DNAJC27: variants seen among roughly 807,000 people sequenced by gnomAD.
DNAJC27 encodes DnaJ heat shock protein family (Hsp40) member C27.
A neutral mutation model predicts 31.4 loss-of-function variants in DNAJC27; 25 were observed. The observed-to-expected ratio is 0.80, with a 90% CI of 0.58 to 1.11. The LOEUF is 1.11. Among genes scored for constraint, DNAJC27 ranks in the 50% most tolerant of loss-of-function variants. The probability of loss-of-function intolerance (pLI) is 0.00; values close to 1 mark genes in which losing one functional copy is unlikely to be tolerated. For synonymous variants in DNAJC27, 106 were observed against 112.7 expected (o/e 0.94, Z 0.37); for missense variants, 356 against 347.3 (o/e 1.02, Z -0.20).
chr2:24,963,283 A>C (rs1666093569), intron 3 of DNAJC27, 122 bp downstream of exon 3: 3 of 660,066 alleles, frequency 4.5e-6, no homozygotes, highest in Admixed American at 2.9e-5. Flanking sequence ...GCAAGCCACG[A>C]TCAAGCTAAA....
chr2:24,947,820 A>G, intron 6 of DNAJC27, 72 bp from the exon 7 acceptor site: 2 of 1,528,170 alleles, frequency 1.3e-6, no homozygotes, highest in Non-Finnish European at 1.8e-6. Context: ...CTGTTTGGAC[A>G]CACATAGTAT....
At chr2:24,949,539 AC>A (rs1343628677) in intron 6 of DNAJC27, among the ~76,000 whole-genome samples, 1 of 152,236 alleles carries the variant, frequency 6.6e-6, no homozygotes, top group African/African-American at 2.4e-5. Context: ...GTCAACAAAT[AC>A]CAAAACTCTC....
At chr2:24,951,604 G>A in intron 5 of DNAJC27, 50 bp from the exon 6 acceptor site, 1 of 1,536,106 alleles carries the variant, frequency 6.5e-7, no homozygotes, top group South Asian at 1.2e-5. Context: ...GTGAAAATAG[G>A]AATTCCTTTT....
rs535943143 is a variant in DNAJC27 at position 24,943,988 on chromosome 2, A to G, written c.*3628T>C. The G allele has an allele frequency of 6.6e-6, 1 of 152,280 alleles. No homozygotes were observed. Among genetic ancestry groups the G allele is most frequent in the African/African-American group, 2.4e-5 (1 of 41,464 alleles). The allele number at this position is 152,280 out of a possible 1,614,324, so 9.4% of individuals were successfully genotyped here. On this transcript the variant is annotated 3_prime_UTR_variant, in exon 7 of 7. Coordinates refer to ENST00000264711, the MANE Select transcript of DNAJC27 (RefSeq NM_016544.3). ...AGTGTAAGCTTTTGTCTTCTCTAGA[A>G]AAGTTTAATGGAAAAAAACGATGTA... is the stretch of plus-strand genomic sequence containing the variant.
upstream of DNAJC27, chr2:24,972,042 G>T (rs1477779833): frequency 1.6e-6 from 1 of 635,502 alleles, no homozygotes; most frequent in East Asian, 3.4e-5. Flanking sequence ...CCCCGCCGCT[G>T]CCTGGCAGCA....
Position 24,962,867 on chromosome 2 carries a change from ACCT to A in DNAJC27, c.240+535_240+537del, listed in dbSNP as rs553719107. Among the ~76,000 whole-genome samples the A allele has an allele frequency of 2.6e-5, 4 of 152,220 alleles. No individual in the cohort carries two copies. The South Asian group carries it at 8.3e-4, about 32-fold the overall frequency. On this transcript the variant is annotated intron_variant, in intron 3 of 6. Transcript: ENST00000264711. Reference sequence around the variant, plus strand: ...CGGCCAAACCAGAAAAGAGCAAAAAACCTCCTTAAGAAAAATGAAAAAGCCCAA... The same window carrying A: ...CGGCCAAACCAGAAAAGAGCAAAAAACCTTAAGAAAAATGAAAAAGCCCAA...
chr2:24,950,389 C>A lies in DNAJC27; in HGVS notation c.689+1005G>T, dbSNP rs573019695. ...GTGAAGTATGTGGGGGGAGTCTGGG[C>A]GCATATTGTACTACACTACAATATG... On this transcript the variant is annotated intron_variant, in intron 6 of 6. Transcript: ENST00000264711. Among the ~76,000 whole-genome samples the A allele has an allele frequency of 2.0e-5, 3 of 152,118 alleles. No homozygotes were observed. In the East Asian group the frequency reaches 5.8e-4, roughly 29 times the overall value.
At chr2:24,961,244 G>A (rs954589318) in intron 3 of DNAJC27, among the ~76,000 whole-genome samples, 2 of 152,146 alleles carry the variant, frequency 1.3e-5, no homozygotes, top group Non-Finnish European at 2.9e-5. Context: ...ATCTGTTTAA[G>A]CATAGTTTAC....
chr2:24,955,395 T>C (rs1401514028), intron 5 of DNAJC27, among the ~76,000 whole-genome samples: 1 of 151,982 alleles, frequency 6.6e-6, no homozygotes, highest in East Asian at 1.9e-4. Flanking sequence ...AAAATAAATA[T>C]AGCCTCAGGG....
chr2:24,961,693 G>A (rs1666045581), intron 3 of DNAJC27, among the ~76,000 whole-genome samples: 1 of 152,146 alleles, frequency 6.6e-6, no homozygotes, highest in Non-Finnish European at 1.5e-5. Context: ...AACTGCAGAT[G>A]TGGTGGAAAT....
At chr2:24,962,213 T>C (rs1165438882) in intron 3 of DNAJC27, among the ~76,000 whole-genome samples, 2 of 53,972 alleles carry the variant, frequency 3.7e-5, no homozygotes, top group African/African-American at 7.5e-5. Context: ...ACATACTTTT[T>C]TTCTTTTGTT....
chr2:24,971,847 T>C lies in DNAJC27; in HGVS notation c.58A>G (p.Ile20Val). Residue 20 changes from isoleucine (I) to valine (V), a missense_variant, in exon 1 of 7, where the codon ATC becomes GTC. Physicochemically the swap from Ile to Val is conservative, Grantham distance 29. Transcript: ENST00000264711. ...EPGRSLRIKVISMGNAEVGKS... is the reference protein window; with the variant it reads ...EPGRSLRIKVVSMGNAEVGKS... ...CCCACTTCGGCGTTGCCCATGGAGA[T>C]GACTTTGATGCGGAGAGACCTGCCG... 1.9e-6 allele frequency: 3 copies of C among 1,609,456 alleles called. No individual in the cohort carries two copies. The highest frequency in any genetic ancestry group is 2.5e-6 in the Non-Finnish European group (3 of 1,178,308).
chr2:24,966,212 AG>A (rs1666176719), intron 2 of DNAJC27, among the ~76,000 whole-genome samples: 1 of 152,184 alleles, frequency 6.6e-6, no homozygotes, highest in South Asian at 2.1e-4. Context: ...TGAGGTAGAA[AG>A]TCTGAGGGTA....
At chr2:24,969,699 G>A (rs1214128149) in intron 1 of DNAJC27, among the ~76,000 whole-genome samples, 2 of 152,070 alleles carry the variant, frequency 1.3e-5, no homozygotes, top group African/African-American at 4.8e-5. Context: ...GGCTGGTCTC[G>A]AACTCCTGAG....
rs185281472 is a variant in DNAJC27 at position 24,971,502 on chromosome 2, C to T, written c.87+316G>A. 253 of 219,612 alleles carry T rather than the reference C, an allele frequency of 1.2e-3. 1 individual carries two copies. The highest frequency in any genetic ancestry group is 1.4e-3 in the South Asian group (10 of 7,066). 13.6% of individuals were successfully genotyped at this position (219,612 alleles called of 1,614,324 possible). A position where few individuals can be genotyped will look rare whatever the true frequency, so the allele number is the denominator to read the frequency against. On this transcript the variant is annotated intron_variant, in intron 1 of 6. Coordinates refer to ENST00000264711, the MANE Select transcript of DNAJC27 (RefSeq NM_016544.3). ...CCCGGTCCCGGACGGCCCCCTAGAACGCGGGCAAGGTATCTAGGCCGACGG... is the reference window on the plus strand; with the variant it reads ...CCCGGTCCCGGACGGCCCCCTAGAATGCGGGCAAGGTATCTAGGCCGACGG...
intron 3 of DNAJC27, among the ~76,000 whole-genome samples, chr2:24,962,623 T>C (rs192844703): frequency 1.8e-3 from 280 of 152,236 alleles, no homozygotes; most frequent in Middle Eastern, 3.4e-3. Context: ...AAGAAATACA[T>C]TGAACTGAAT....
In DNAJC27 at chr2:24,944,826, T is replaced by G. The variant is rs888884509; in HGVS notation, c.*2790A>C. 1 of 152,656 alleles carries G rather than the reference T, an allele frequency of 6.6e-6. No homozygotes were observed. The highest frequency in any genetic ancestry group is 2.4e-5 in the African/African-American group (1 of 41,444). The allele number at this position is 152,656 out of a possible 1,614,324, so 9.5% of individuals were successfully genotyped here. ...TGCTTAGGTAGGTTAGAAGATGAAT[T>G]TGAAATGCCTCCAGGGATTTCTAAC... On this transcript the variant is annotated 3_prime_UTR_variant, in exon 7 of 7. Coordinates refer to ENST00000264711, the MANE Select transcript of DNAJC27 (RefSeq NM_016544.3).
At position 24,947,456 on chromosome 2, in the gene DNAJC27, TG is replaced by T. The variant is rs1665674242; in HGVS notation, c.*159del. ...AAATGCAGGTCATTTCTCAGTAAAA[TG>T]TCTATGAAATGGGTACCTGAATTAC... is the stretch of plus-strand genomic sequence containing the variant. On this transcript the variant is annotated 3_prime_UTR_variant, in exon 7 of 7. Coordinates refer to ENST00000264711, the MANE Select transcript of DNAJC27 (RefSeq NM_016544.3). 3.7e-6 allele frequency: 3 copies of T among 812,572 alleles called. No homozygotes were observed. Among genetic ancestry groups the T allele is most frequent in the East Asian group, 2.5e-5 (1 of 40,336 alleles). 50.3% of individuals were successfully genotyped at this position (812,572 alleles called of 1,614,324 possible).
At chr2:24,971,493 C>A (rs1666335659) in intron 1 of DNAJC27, 2 of 210,440 alleles carry the variant, frequency 9.5e-6, no homozygotes, top group South Asian at 2.9e-4. Flanking sequence ...CCCGGACGGC[C>A]CCCTAGAACG....
Sources: gnomAD v4.1 joint callset for allele counts (sites outside exome capture counted in the v4.1 genomes callset) on GRCh38, gnomAD v4.1.1 for gene constraint, MANE v1.5 for transcripts, NCBI Gene and HGNC (gene_info 2026-07-23, HGNC 2026-07-21) for gene names.